The following WDR37 variants were observed in gnomAD, a reference collection of about 807,000 sequenced individuals.
WDR37 encodes the protein WD repeat domain 37, also known as WD repeat-containing protein 37.
WDR37 carries 19 observed loss-of-function variants against 62.9 expected under a neutral mutation model. That is an observed-to-expected ratio of 0.30 (90% CI 0.21 to 0.44). WDR37 has a LOEUF of 0.44. Among genes scored for constraint, WDR37 ranks in the 20% least tolerant of loss-of-function variants. The probability of loss-of-function intolerance (pLI) is 1.00; values close to 1 mark genes in which losing one functional copy is unlikely to be tolerated. For missense variants in WDR37, 474 were observed against 657.6 expected, an observed-to-expected ratio of 0.72 and a Z score of 3.05; for synonymous variants, 250 against 260.9, an observed-to-expected ratio of 0.96 and a Z score of 0.40.
intron 3 of WDR37, among the ~76,000 whole-genome samples, chr10:1,078,438 A>C (rs1049049855): frequency 6.6e-6 from 1 of 152,206 alleles, no homozygotes; most frequent in African/African-American, 2.4e-5. Context: ...TGTGCTTAAA[A>C]ATTTATCAGA....
chr10:1,123,342 G>T (rs1835644891), intron 11 of WDR37, among the ~76,000 whole-genome samples: 1 of 151,912 alleles, frequency 6.6e-6, no homozygotes, highest in Non-Finnish European at 1.5e-5. Context: ...TCACATTGTT[G>T]TGCAACCACC....
intron 11 of WDR37, among the ~76,000 whole-genome samples, chr10:1,117,866 A>G (rs1054807168): frequency 6.6e-6 from 1 of 152,108 alleles, no homozygotes; most frequent in Non-Finnish European, 1.5e-5. Context: ...GCGTGCACTC[A>G]GCCACCCTCA....
intron 7 of WDR37, 83 bp downstream of exon 7, chr10:1,086,440 C>T (rs1834203050): frequency 3.6e-6 from 4 of 1,105,662 alleles, no homozygotes; most frequent in Non-Finnish European, 5.5e-6. Flanking sequence ...ATAAAGCCAG[C>T]TGCTACTGTG....
chr10:1,108,515 G>A (rs189937818), intron 11 of WDR37, among the ~76,000 whole-genome samples: 15 of 152,292 alleles, frequency 9.8e-5, no homozygotes, highest in Admixed American at 7.8e-4. Context: ...TTCAAATAGC[G>A]AAGCGACACT....
At chr10:1,070,763 A>C (rs1255331480) in intron 1 of WDR37, among the ~76,000 whole-genome samples, 1 of 152,206 alleles carries the variant, frequency 6.6e-6, no homozygotes, top group East Asian at 1.9e-4. Flanking sequence ...ACTCTCTTCT[A>C]TGTGTAGATA....
At chr10:1,118,915 G>T (rs1835487055) in intron 11 of WDR37, among the ~76,000 whole-genome samples, 1 of 152,072 alleles carries the variant, frequency 6.6e-6, no homozygotes, top group South Asian at 2.1e-4. Context: ...TTTTTGTGCT[G>T]GTTTCTAATG....
rs1278083255 is a variant in WDR37, at chr10:1,130,265, G to A, written c.*921G>A. ...GAGCCAACAACACTACCTCAGAGAC[G>A]GGTCTTTGGGAAACTTTGGGTCTCA... On this transcript the variant is annotated 3_prime_UTR_variant, in exon 14 of 14. Transcript: ENST00000263150. 3.3e-5 allele frequency: 5 copies of A among 152,660 alleles called. No homozygotes were observed. Among genetic ancestry groups the A allele is most frequent in the Admixed American group, 2.6e-4 (4 of 15,292 alleles). The allele number at this position is 152,660 out of a possible 1,614,324, so 9.5% of individuals were successfully genotyped here. A position where few individuals can be genotyped will look rare whatever the true frequency, so the allele number is the denominator to read the frequency against.
At chr10:1,119,999 T>C (rs1199037358) in intron 11 of WDR37, among the ~76,000 whole-genome samples, 1 of 152,216 alleles carries the variant, frequency 6.6e-6, no homozygotes, top group African/African-American at 2.4e-5. Flanking sequence ...ATGTGATACA[T>C]ACTTGATTTT....
chr10:1,071,808 G>A (rs371378822), intron 1 of WDR37, among the ~76,000 whole-genome samples: 35 of 152,236 alleles, frequency 2.3e-4, no homozygotes, highest in African/African-American at 5.1e-4. Flanking sequence ...TGGTTCCCTC[G>A]GGGGAGTAGA....
chr10:1,099,743 G>A (rs4880762), intron 9 of WDR37, among the ~76,000 whole-genome samples: 146,128 of 151,478 alleles, frequency 0.96, 70,684 homozygotes, highest in East Asian at 1. Context: ...GAAATTCAGC[G>A]TGTGCACTGA....
intron 11 of WDR37, among the ~76,000 whole-genome samples, chr10:1,107,560 CCT>C (rs1483352268): frequency 2.0e-5 from 3 of 152,006 alleles, no homozygotes; most frequent in Non-Finnish European, 2.9e-5. Flanking sequence ...TGTGTACACA[CCT>C]CTCTCTGAAA....
At chr10:1,104,866 C>T (rs988725562) in intron 10 of WDR37, among the ~76,000 whole-genome samples, 1 of 152,172 alleles carries the variant, frequency 6.6e-6, no homozygotes, top group Admixed American at 6.5e-5. Flanking sequence ...TGTTAATTTG[C>T]CTGACCTTCT....
intron 11 of WDR37, among the ~76,000 whole-genome samples, chr10:1,115,796 G>A (rs1835372544): frequency 6.6e-6 from 1 of 152,142 alleles, no homozygotes; most frequent in Non-Finnish European, 1.5e-5. Context: ...GGAAGGTGGA[G>A]AGCCAGCCAT....
At chr10:1,125,137 T>C in intron 13 of WDR37, 113 bp downstream of exon 13, 1 of 1,471,334 alleles carries the variant, frequency 6.8e-7, no homozygotes, top group East Asian at 2.5e-5. Flanking sequence ...TCCTTGGAAA[T>C]GCTTGAGCTG....
intron 1 of WDR37, among the ~76,000 whole-genome samples, chr10:1,067,728 C>T (rs975855320): frequency 2.0e-5 from 3 of 152,010 alleles, no homozygotes; most frequent in African/African-American, 7.3e-5. Flanking sequence ...AACGGAACAG[C>T]TAAATAAAAA....
chr10:1,096,219 G>A lies in WDR37; in HGVS notation c.699G>A (p.Pro233=), dbSNP rs1202137593. 1.9e-6 allele frequency: 3 copies of A among 1,614,090 alleles called. No individual in the cohort carries two copies. Among genetic ancestry groups the A allele is most frequent in the Non-Finnish European group, 2.5e-6 (3 of 1,180,032 alleles). The change falls in exon 9 of 14, where the codon CCG becomes CCA. Residue 233 remains proline, a synonymous_variant. Coordinates refer to ENST00000263150, the MANE Select transcript of WDR37 (RefSeq NM_014023.4). ...TCTGGAGATACGCGGTGCAGCTGCC[G>A]ACACCCCAGCCTGTTGCTGACACTA... The part of the protein sequence containing the change: ...AHIWRYAVQL[P]TPQPVADTSI...
intron 13 of WDR37, among the ~76,000 whole-genome samples, chr10:1,127,736 A>G (rs1484842036): frequency 6.6e-6 from 1 of 152,142 alleles, no homozygotes; most frequent in Non-Finnish European, 1.5e-5. Flanking sequence ...ACGGAGTGTG[A>G]GGGTCCCTGT....
chr10:1,092,382 T>C (rs1834425267), intron 7 of WDR37, among the ~76,000 whole-genome samples: 1 of 151,338 alleles, frequency 6.6e-6, no homozygotes, highest in Admixed American at 6.6e-5. Flanking sequence ...CCTCTTTTTT[T>C]TTGAGACGGA....
chr10:1,116,447 G>A (rs1835404156), intron 11 of WDR37, among the ~76,000 whole-genome samples: 1 of 152,218 alleles, frequency 6.6e-6, no homozygotes, highest in Non-Finnish European at 1.5e-5. Context: ...TGCCAAGGAG[G>A]ACACACGCTC....
Sources: allele counts gnomAD v4.1 joint callset (sites outside exome capture counted in the v4.1 genomes callset), GRCh38; gene constraint gnomAD v4.1.1; transcripts MANE v1.5; gene names NCBI Gene and HGNC (gene_info 2026-07-23, HGNC 2026-07-21).